The following MAMSTR variants were observed in gnomAD, a reference collection of about 807,000 sequenced individuals.
The protein encoded by MAMSTR is MEF2 activating motif and SAP domain containing transcriptional regulator.
A neutral mutation model predicts 42.7 loss-of-function variants in MAMSTR; 41 were observed. The ratio of observed to expected loss-of-function variants is 0.96; its 90% CI spans 0.75 to 1.25. The LOEUF (loss-of-function observed/expected upper bound fraction) is 1.25, where lower values mean the gene tolerates loss of function less well. Ranked by LOEUF, MAMSTR falls within the 50% of genes most tolerant of loss-of-function variation. The probability of loss-of-function intolerance (pLI) is 0.00; values close to 1 mark genes in which losing one functional copy is unlikely to be tolerated. For synonymous variants in MAMSTR, 265 were observed against 244.1 expected, an observed-to-expected ratio of 1.09 and a Z score of -0.80; for missense variants, 567 against 557.6, an observed-to-expected ratio of 1.02 and a Z score of -0.17.
At chr19:48,707,875 G>GAAAGAAAGAAAGA (rs1377764757), downstream of MAMSTR, among the ~76,000 whole-genome samples, 6 of 110,212 alleles carry the variant, frequency 5.4e-5, no homozygotes, top group South Asian at 1.1e-3. Flanking sequence ...AAGAAAGAAA[G>GAAAGAAAGAAAGA]AAAGAAAGAA....
At chr19:48,707,213 TC>T in the MAMSTR span, among the ~76,000 whole-genome samples, 1 of 145,460 alleles carries the variant, frequency 6.9e-6, no homozygotes, top group East Asian at 2.1e-4. Flanking sequence ...AGTCAAGAGA[TC>T]AAGACCATCC....
At chr19:48,711,574 G>GTT (rs554907717), downstream of MAMSTR, among the ~76,000 whole-genome samples, 317 of 151,832 alleles carry the variant, frequency 2.1e-3, 2 homozygotes, top group African/African-American at 7.6e-3. Context: ...TTGTTTGTTT[G>GTT]TTTGTTTGTT....
intron 2 of MAMSTR, chr19:48,717,110 T>G (rs2033074427): frequency 8.9e-6 from 3 of 337,534 alleles, no homozygotes; most frequent in Admixed American, 6.2e-5. Flanking sequence ...CCTTTATCCA[T>G]GCACTCCTGC....
Position 48,714,516 on chromosome 19 carries a change from C to T in MAMSTR, c.573G>A (p.Val191=), listed in dbSNP as rs1443439628. 25 of 1,452,690 alleles carry T rather than the reference C, an allele frequency of 1.7e-5. No homozygotes were observed. Among genetic ancestry groups the T allele is most frequent in the Non-Finnish European group, 2.1e-5 (23 of 1,115,266 alleles). 90.0% of individuals were successfully genotyped at this position (1,452,690 alleles called of 1,614,324 possible). A position where few individuals can be genotyped will look rare whatever the true frequency, so the allele number is the denominator to read the frequency against. The change falls in exon 7 of 10, where the codon GTG becomes GTA. Residue 191 remains valine (V), a synonymous_variant. Transcript: ENST00000318083. ...RQQLRLRGLP[V]SGTKSMLLER... Reference sequence around the variant, plus strand: ...CCAGGAGCATAGACTTGGTCCCCGACACTGGGAGGCCCCGCAGGCGCAGCT... The same window carrying T: ...CCAGGAGCATAGACTTGGTCCCCGATACTGGGAGGCCCCGCAGGCGCAGCT...
chr19:48,714,412 G>C lies in MAMSTR; in HGVS notation c.677C>G (p.Pro226Arg), dbSNP rs1387463309. The C allele has an allele frequency of 5.0e-6, 7 of 1,389,918 alleles. No individual in the cohort carries two copies. The South Asian group carries it at 8.3e-5, about 16-fold the overall frequency. The allele number at this position is 1,389,918 out of a possible 1,614,324, so 86.1% of individuals were successfully genotyped here. ...TGCCAGGGCCTTGGGCTTGAGGCGC[G>C]GCCAGGGAGCACCCGCGGGACTGTC... The part of the protein sequence containing the change: ...REDSPAGAPW[P>R]RLKPKALAAA... The change falls in exon 7 of 10, where the codon CCG becomes CGG. Residue 226 changes from proline (P) to arginine (R), a missense_variant. Physicochemically the swap from Pro to Arg is moderately radical, Grantham distance 103. Transcript: ENST00000318083.
the MAMSTR span, among the ~76,000 whole-genome samples, chr19:48,707,184 C>T: frequency 0.024 from 3,646 of 151,378 alleles, 139 homozygotes; most frequent in African/African-American, 0.082. Flanking sequence ...TTTGGGAGGC[C>T]GAGGCAGGTG....
chr19:48,710,102 C>T (rs1236205766), downstream of MAMSTR, among the ~76,000 whole-genome samples: 1 of 151,494 alleles, frequency 6.6e-6, no homozygotes, highest in African/African-American at 2.4e-5. Context: ...CGTGATCCAC[C>T]TGCCTCGGAC....
At chr19:48,711,717 C>T (rs1390251718), downstream of MAMSTR, among the ~76,000 whole-genome samples, 1 of 143,292 alleles carries the variant, frequency 7.0e-6, no homozygotes, top group Non-Finnish European at 1.5e-5. Flanking sequence ...GGATTACAGG[C>T]TCCCACCACC....
chr19:48,716,893 AGGCTCCCTTCCTCG>A (rs2033061587), intron 2 of MAMSTR, 150 bp from the exon 3 acceptor site: 1 of 1,219,878 alleles, frequency 8.2e-7, no homozygotes, highest in Admixed American at 4.4e-5. Flanking sequence ...GGCGGGCAGC[AGGCTCCCTTCCTCG>A]GGCCTCCCGC....
chr19:48,715,206 G>T, intron 5 of MAMSTR, 56 bp downstream of exon 5: 1 of 1,469,004 alleles, frequency 6.8e-7, no homozygotes, highest in Non-Finnish European at 9.3e-7. Flanking sequence ...TTTGAGGGAG[G>T]AGGATGCTGG....
At chr19:48,717,993 C>T (rs1004540998) in intron 2 of MAMSTR, among the ~76,000 whole-genome samples, 2 of 152,234 alleles carry the variant, frequency 1.3e-5, no homozygotes, top group Non-Finnish European at 2.9e-5. Flanking sequence ...GCATCAGCCA[C>T]CTTGCCCGGC....
chr19:48,719,146 AGGG>A lies in MAMSTR; in HGVS notation c.-21-97_-21-95del. On this transcript the variant is annotated intron_variant, in intron 1 of 9. Transcript: ENST00000318083. This position sits in a 1 kb window ranked among gnomAD's most constrained non-coding sequence, Gnocchi z 4.4. ...CCCTGAGAGTGAATTCAGCAGGGAA[AGGG>A]CCCGAAGGAGGTGGGAATAGGAGCA... 4.7e-6 allele frequency: 4 copies of A among 845,288 alleles called. No homozygotes were observed. In the South Asian group the frequency reaches 5.8e-5, roughly 12 times the overall value. 52.4% of individuals were successfully genotyped at this position (845,288 alleles called of 1,614,324 possible).
In MAMSTR at chr19:48,718,997, A is replaced by T. The variant is rs1397137874; in HGVS notation, c.35T>A (p.Ile12Asn). ...ACCAGATCGGAACTTGGAGCGAATG[A>T]TTTGGGAACGCTGGGAGGAAGCCGC... ...TLAASSQRSQ[I>N]IRSKFRSVLQ... The change falls in exon 2 of 10, where the codon ATC becomes AAC. Residue 12 changes from isoleucine to asparagine, a missense_variant. Physicochemically the swap from Ile to Asn is moderately radical, Grantham distance 149. Transcript: ENST00000318083. The T allele has an allele frequency of 1.9e-6, 3 of 1,549,218 alleles. No individual in the cohort carries two copies.
chr19:48,716,926 TGCCAGCGCAGCGCCGCGG>T, intron 2 of MAMSTR, 183 bp from the exon 3 acceptor site: 1 of 1,202,238 alleles, frequency 8.3e-7, no homozygotes, highest in Non-Finnish European at 1.0e-6. Context: ...GCCTGCTCCC[TGCCAGCGCAGCGCCGCGG>T]GCCAGCGCCA....
chr19:48,718,962 G>A lies in MAMSTR; in HGVS notation c.58+12C>T, dbSNP rs1251908948. 7 of 1,547,984 alleles carry A rather than the reference G, an allele frequency of 4.5e-6. No homozygotes were observed. The African/African-American group carries it at 8.2e-5, about 18-fold the overall frequency. On this transcript the variant is annotated intron_variant, in intron 2 of 9. Coordinates refer to ENST00000318083, the MANE Select transcript of MAMSTR (RefSeq NM_001130915.2). Reference sequence around the variant, plus strand: ...ATCCCATCCCCCACGCATAAAGAGAGCCCTCTCTCACCAGATCGGAACTTG... The same window carrying A: ...ATCCCATCCCCCACGCATAAAGAGAACCCTCTCTCACCAGATCGGAACTTG...
At chr19:48,712,082 T>C (rs111897954), downstream of MAMSTR, among the ~76,000 whole-genome samples, 2,513 of 152,156 alleles carry the variant, frequency 0.017, 63 homozygotes, top group African/African-American at 0.056. Context: ...TTAGTAGAGA[T>C]GGGTTTCACC....
downstream of MAMSTR, among the ~76,000 whole-genome samples, chr19:48,708,669 C>T (rs2032686922): frequency 6.6e-6 from 1 of 152,182 alleles, no homozygotes; most frequent in Non-Finnish European, 1.5e-5. Flanking sequence ...TGGGGCAGTG[C>T]AGGGACCACG....
At chr19:48,707,822 A>AAGAAAGAC (rs1167555672), downstream of MAMSTR, among the ~76,000 whole-genome samples, 4 of 143,596 alleles carry the variant, frequency 2.8e-5, no homozygotes, top group African/African-American at 1.1e-4. Context: ...GAAAGAAAGA[A>AAGAAAGAC]AGACAAAGAA....
chr19:48,709,756 G>T (rs1437813230), downstream of MAMSTR, among the ~76,000 whole-genome samples: 1 of 152,186 alleles, frequency 6.6e-6, no homozygotes, highest in Non-Finnish European at 1.5e-5. Flanking sequence ...CCTGAGCCAG[G>T]CACCAAAAAC....
Sources: allele counts gnomAD v4.1 joint callset (sites outside exome capture counted in the v4.1 genomes callset), GRCh38; gene constraint gnomAD v4.1.1; non-coding constraint Gnocchi (gnomAD v3.1); transcripts MANE v1.5; gene names NCBI Gene and HGNC (gene_info 2026-07-23, HGNC 2026-07-21).